LUZP2: variants seen among roughly 807,000 people sequenced by gnomAD.
LUZP2 encodes the protein leucine zipper protein 2.
Under a neutral mutation model 51.6 loss-of-function variants are expected in LUZP2, and 52 were observed. The ratio of observed to expected loss-of-function variants is 1.01; its 90% confidence interval spans 0.81 to 1.27. The LOEUF is 1.27. Among genes scored for constraint, LUZP2 ranks in the 50% most tolerant of loss-of-function variants. The pLI, the probability that LUZP2 is intolerant of heterozygous loss-of-function variation, is 0.00. For synonymous variants in LUZP2, 154 were observed against 137.3 expected (o/e 1.12, Z -0.85); for missense variants, 436 against 395.4 (o/e 1.10, Z -0.87).
intron 3 of LUZP2, among the ~76,000 whole-genome samples, chr11:24,735,443 C>T (rs528343431): frequency 6.6e-6 from 1 of 151,830 alleles, no homozygotes; most frequent in African/African-American, 2.4e-5. Context: ...AGAATAAAAC[C>T]TTTTATTCTT....
intron 1 of LUZP2, among the ~76,000 whole-genome samples, chr11:24,520,428 A>G (rs1216234146): frequency 6.6e-6 from 1 of 152,126 alleles, no homozygotes; most frequent in Non-Finnish European, 1.5e-5. Context: ...ACCAGATGTG[A>G]TTTCTGTTTT....
At chr11:24,999,487 G>A (rs1172472987) in intron 9 of LUZP2, among the ~76,000 whole-genome samples, 1 of 150,262 alleles carries the variant, frequency 6.7e-6, no homozygotes, top group Non-Finnish European at 1.5e-5. Context: ...AGAAGAAGAA[G>A]AGAGAAAGAG....
At chr11:24,591,642 G>T (rs1853264670) in intron 1 of LUZP2, among the ~76,000 whole-genome samples, 1 of 152,008 alleles carries the variant, frequency 6.6e-6, no homozygotes. Context: ...CTAGGGCCTG[G>T]TCACAGTTTC....
At chr11:24,546,882 C>T (rs932514501) in intron 1 of LUZP2, among the ~76,000 whole-genome samples, 2 of 151,780 alleles carry the variant, frequency 1.3e-5, no homozygotes, top group Non-Finnish European at 2.9e-5. Flanking sequence ...GTATACAATT[C>T]AGCTGTGAAT....
intron 7 of LUZP2, among the ~76,000 whole-genome samples, chr11:24,919,640 G>T (rs990717345): frequency 8.1e-5 from 12 of 147,624 alleles, no homozygotes; most frequent in African/African-American, 2.5e-4. Flanking sequence ...TTTCACTTAT[G>T]TGTAGGTATG....
chr11:24,610,682 AG>A (rs1854088862), intron 1 of LUZP2, among the ~76,000 whole-genome samples: 2 of 152,182 alleles, frequency 1.3e-5, no homozygotes, highest in Admixed American at 6.5e-5. Flanking sequence ...ACGGTGGCTC[AG>A]GTCTATAATC....
chr11:25,037,517 T>G (rs895348514), intron 9 of LUZP2, among the ~76,000 whole-genome samples: 3 of 152,164 alleles, frequency 2.0e-5, no homozygotes, highest in African/African-American at 7.2e-5. Context: ...CTGGTTGTCA[T>G]GTAGATTTGA....
rs79979757 is a variant in LUZP2, at chr11:24,533,979, C to T, written c.62+36674C>T. 2.3e-3 allele frequency among the ~76,000 whole-genome samples: 343 copies of T among 151,386 alleles called. 4 individuals carry two copies. The highest frequency in any genetic ancestry group is 0.017 in the Middle Eastern group (5 of 294). On this transcript the variant is annotated intron_variant, in intron 1 of 11. Transcript: ENST00000336930. Reference sequence around the variant, plus strand: ...ACAGGGACAGTAATCACTCCTTAGGCTCCTTTAAAAATAGGCACTTATTCA... The same window carrying T: ...ACAGGGACAGTAATCACTCCTTAGGTTCCTTTAAAAATAGGCACTTATTCA...
At chr11:24,586,311 C>T (rs1288928800) in intron 1 of LUZP2, among the ~76,000 whole-genome samples, 1 of 152,060 alleles carries the variant, frequency 6.6e-6, no homozygotes, top group African/African-American at 2.4e-5. Context: ...CTCTTGAAGC[C>T]ATTATGCTTC....
intron 1 of LUZP2, among the ~76,000 whole-genome samples, chr11:24,603,300 G>A (rs1410386094): frequency 6.6e-6 from 1 of 151,744 alleles, no homozygotes; most frequent in Non-Finnish European, 1.5e-5. Context: ...TTATTTCTGA[G>A]TGACCCAAAA....
At chr11:24,818,851 T>G (rs1367650956) in intron 5 of LUZP2, among the ~76,000 whole-genome samples, 1 of 152,050 alleles carries the variant, frequency 6.6e-6, no homozygotes, top group Non-Finnish European at 1.5e-5. Flanking sequence ...ATTATTTACA[T>G]AATGTCCATC....
At chr11:24,942,623 G>T (rs1854785437) in intron 7 of LUZP2, among the ~76,000 whole-genome samples, 1 of 151,892 alleles carries the variant, frequency 6.6e-6, no homozygotes, top group Admixed American at 6.6e-5. Flanking sequence ...CTAAATAATA[G>T]TTCTTTATCA....
At chr11:25,028,943 G>A (rs1216439854) in intron 9 of LUZP2, among the ~76,000 whole-genome samples, 2 of 152,070 alleles carry the variant, frequency 1.3e-5, no homozygotes, top group East Asian at 1.9e-4. Flanking sequence ...AGGCAACAAA[G>A]AACTTAAAAG....
At chr11:24,555,692 A>C (rs1851846163) in intron 1 of LUZP2, among the ~76,000 whole-genome samples, 1 of 152,182 alleles carries the variant, frequency 6.6e-6, no homozygotes, top group Non-Finnish European at 1.5e-5. Flanking sequence ...AATGTTATCC[A>C]AGGCTGGCCA....
chr11:25,036,731 T>A (rs2133999865), intron 9 of LUZP2, among the ~76,000 whole-genome samples: 1 of 152,226 alleles, frequency 6.6e-6, no homozygotes, highest in African/African-American at 2.4e-5. Context: ...CACTCAGGTG[T>A]TAATCAGGAG....
chr11:24,718,711 T>G (rs1374589286), intron 1 of LUZP2, among the ~76,000 whole-genome samples: 1 of 152,122 alleles, frequency 6.6e-6, no homozygotes, highest in Non-Finnish European at 1.5e-5. Flanking sequence ...TAATAAAATA[T>G]TATAATACTA....
At chr11:24,577,168 T>TA (rs34337246) in intron 1 of LUZP2, among the ~76,000 whole-genome samples, 1 of 152,104 alleles carries the variant, frequency 6.6e-6, no homozygotes, top group Middle Eastern at 3.4e-3. Flanking sequence ...AGCTGGTGCC[T>TA]AAAATGATAA....
At chr11:25,067,936 C>T (rs1291939760) in intron 10 of LUZP2, among the ~76,000 whole-genome samples, 1 of 151,948 alleles carries the variant, frequency 6.6e-6, no homozygotes, top group East Asian at 1.9e-4. Flanking sequence ...CAATGATAGA[C>T]TGGATAAAGA....
At chr11:24,654,760 G>A (rs1021412686) in intron 1 of LUZP2, among the ~76,000 whole-genome samples, 2 of 151,344 alleles carry the variant, frequency 1.3e-5, no homozygotes, top group Admixed American at 1.3e-4. Context: ...TCTGGCCTTA[G>A]GTGATCCACC....
Sources: allele counts gnomAD v4.1 joint callset (sites outside exome capture counted in the v4.1 genomes callset), GRCh38; gene constraint gnomAD v4.1.1; transcripts MANE v1.5; gene names NCBI Gene and HGNC (gene_info 2026-07-23, HGNC 2026-07-21).